PTPRN2: variants seen among roughly 807,000 people sequenced by gnomAD.
PTPRN2 encodes the protein receptor-type tyrosine-protein phosphatase N2.
In PTPRN2, 74 loss-of-function variants were observed where a neutral mutation model predicts 118.8. The observed-to-expected ratio is 0.62, with a 90% CI of 0.52 to 0.76. The LOEUF is 0.76. Ranked by LOEUF, PTPRN2 falls within the 30% of genes least tolerant of loss-of-function variation. The pLI, the probability that PTPRN2 is intolerant of heterozygous loss-of-function variation, is 0.00. For synonymous variants in PTPRN2, 641 were observed against 608.0 expected (o/e 1.05, Z -0.80); for missense variants, 1,481 against 1,394.4 (o/e 1.06, Z -0.99).
chr7:158,158,496 A>G (rs5022122), intron 6 of PTPRN2, among the ~76,000 whole-genome samples: 9,330 of 139,916 alleles, frequency 0.067, 1,305 homozygotes, highest in African/African-American at 0.083. Context: ...AGCGGAGCCC[A>G]TGTGATTGGC....
Position 158,166,628 on chromosome 7 carries a change from T to C in PTPRN2, c.910+303A>G, listed in dbSNP as rs577724996. Among the ~76,000 whole-genome samples the C allele has an allele frequency of 3.5e-3, 470 of 135,044 alleles. 21 individuals carry two copies. The East Asian group carries it at 0.099, about 28-fold the overall frequency. The allele number at this position is 135,044 out of a possible 152,430, so 88.6% of individuals were successfully genotyped here. The stretch of plus-strand genomic sequence containing the variant: ...GATCACCTCCCCTCCCACTGGCCGC[T>C]GTGTTCACTGTCCTCACACCCTCAG... On this transcript the variant is annotated intron_variant, in intron 6 of 22. Transcript: ENST00000389418.
chr7:158,199,973 T>C (rs1054141298), intron 4 of PTPRN2, among the ~76,000 whole-genome samples: 2 of 152,002 alleles, frequency 1.3e-5, no homozygotes, highest in African/African-American at 2.4e-5. Flanking sequence ...CTAGAGGTGA[T>C]GGCCACAAAT....
At position 157,833,532 on chromosome 7, in the gene PTPRN2, G is replaced by A. The variant is rs114515045; in HGVS notation, c.1788+65141C>T. ...CCGGCGCCCATCCATCCTGTATGAC[G>A]GTGAATTTGTCCAGGAGCGAGATGT... On this transcript the variant is annotated intron_variant, in intron 12 of 22. Transcript: ENST00000389418. 4.7e-3 allele frequency among the ~76,000 whole-genome samples: 701 copies of A among 149,980 alleles called. 5 individuals are homozygous for A. Among genetic ancestry groups the A allele is most frequent in the African/African-American group, 6.3e-3 (256 of 40,506 alleles).
At chr7:157,758,054 G>C (rs1801903642) in intron 12 of PTPRN2, among the ~76,000 whole-genome samples, 5 of 152,182 alleles carry the variant, frequency 3.3e-5, no homozygotes, top group Admixed American at 3.3e-4. Context: ...GCCGGTGCGG[G>C]GGACGCGGTC....
chr7:158,077,414 TGAAA>T (rs1355285754), intron 11 of PTPRN2, among the ~76,000 whole-genome samples: 3 of 152,142 alleles, frequency 2.0e-5, no homozygotes, highest in Admixed American at 1.3e-4. Flanking sequence ...TCCAACAGGC[TGAAA>T]GAAACAATGG....
Position 157,615,427 on chromosome 7 carries a change from G to A in PTPRN2, c.2344+5935C>T, listed in dbSNP as rs771878073. On this transcript the variant is annotated intron_variant, in intron 15 of 22. Transcript: ENST00000389418. The surrounding 1 kb of genome is among the most constrained non-coding windows in gnomAD (Gnocchi z 4.3). ...CCTGTGTGAATCTCAGGGCTGTTTC[G>A]AGGATGAAAAGGAGGTGTTTAGCCC... 2.0e-4 allele frequency: 94 copies of A among 471,142 alleles called. 2 individuals carry two copies. Among genetic ancestry groups the A allele is most frequent in the South Asian group, 1.4e-3 (88 of 64,568 alleles). The allele number at this position is 471,142 out of a possible 1,614,324, so 29.2% of individuals were successfully genotyped here.
At chr7:157,949,415 C>T (rs1054534998) in intron 11 of PTPRN2, among the ~76,000 whole-genome samples, 1 of 152,198 alleles carries the variant, frequency 6.6e-6, no homozygotes, top group African/African-American at 2.4e-5. Context: ...TATTTATTTG[C>T]CTCTCTAGAT....
chr7:158,517,669 A>G lies in PTPRN2; in HGVS notation c.113-27884T>C, dbSNP rs903676729. Among the ~76,000 whole-genome samples, 1 of 152,120 alleles carries G rather than the reference A, an allele frequency of 6.6e-6. No homozygotes were observed. Among genetic ancestry groups the G allele is most frequent in the South Asian group, 2.1e-4 (1 of 4,826 alleles). On this transcript the variant is annotated intron_variant, in intron 1 of 22. Coordinates refer to ENST00000389418, the MANE Select transcript of PTPRN2 (RefSeq NM_002847.5). The surrounding 1 kb of genome is among the most constrained non-coding windows in gnomAD (Gnocchi z 5.3). ...TTAGGGTGGAGTCCAAGCCAGCCTC[A>G]TGGACAGCGTCTCCAGACTCTTCCC...
chr7:158,362,671 G>A (rs933331621), intron 2 of PTPRN2, among the ~76,000 whole-genome samples: 9 of 146,432 alleles, frequency 6.1e-5, no homozygotes, highest in Admixed American at 1.4e-4. Context: ...CTGGATGTGC[G>A]TATAAAACCG....
rs747934660 is a variant in PTPRN2 at position 157,610,759 on chromosome 7, G to A, written c.2345-6684C>T. On this transcript the variant is annotated intron_variant, in intron 15 of 22. Transcript: ENST00000389418. This position sits in a 1 kb window ranked among gnomAD's most constrained non-coding sequence, Gnocchi z 5.1. The stretch of plus-strand genomic sequence containing the variant: ...GGCACTTGAAGACCAGCAACAGCGT[G>A]ATGACAGAACGCATTCTGAAGGGGC... Among the ~76,000 whole-genome samples the A allele has an allele frequency of 1.3e-5, 2 of 152,222 alleles. No homozygotes were observed. Among genetic ancestry groups the A allele is most frequent in the Non-Finnish European group, 2.9e-5 (2 of 68,028 alleles).
chr7:157,912,312 C>G (rs1266159828), intron 11 of PTPRN2, among the ~76,000 whole-genome samples: 2 of 152,200 alleles, frequency 1.3e-5, no homozygotes, highest in African/African-American at 4.8e-5. Flanking sequence ...ATTCATCATT[C>G]ATGCTTCCTC....
At chr7:158,513,572 CTTCAG>C (rs979903204) in intron 1 of PTPRN2, among the ~76,000 whole-genome samples, 1 of 152,144 alleles carries the variant, frequency 6.6e-6, no homozygotes, top group African/African-American at 2.4e-5. Flanking sequence ...TCTGTTCTAC[CTTCAG>C]TTATTTTAGT....
intron 13 of PTPRN2, among the ~76,000 whole-genome samples, chr7:157,657,901 GAC>G (rs144584402): frequency 0.47 from 48,510 of 104,066 alleles, 10,331 homozygotes; most frequent in Middle Eastern, 0.62. Flanking sequence ...ACACATCACA[GAC>G]ACACACACAC....
rs1331054550 is a variant in PTPRN2, at chr7:157,560,993, T to C, written c.2902+7909A>G. 6.6e-6 allele frequency among the ~76,000 whole-genome samples: 1 copy of C among 152,224 alleles called. No individual in the cohort carries two copies. Among genetic ancestry groups the C allele is most frequent in the Non-Finnish European group, 1.5e-5 (1 of 68,030 alleles). On this transcript the variant is annotated intron_variant, in intron 21 of 22. Transcript: ENST00000389418. The surrounding 1 kb of genome is among the most constrained non-coding windows in gnomAD (Gnocchi z 6.7). The stretch of plus-strand genomic sequence containing the variant: ...GTGCCTGCGCCCAAATGTGTGGCTC[T>C]GTCTGGCTCAACCCTCTCCTGGGCC...
At chr7:158,139,434 C>T (rs149215657) in intron 6 of PTPRN2, among the ~76,000 whole-genome samples, 12 of 152,164 alleles carry the variant, frequency 7.9e-5, no homozygotes, top group Non-Finnish European at 1.0e-4. Flanking sequence ...GAATGGGAGA[C>T]GTTCTGCAGA....
At position 157,800,543 on chromosome 7, in the gene PTPRN2, C is replaced by T. The variant is rs1003686210; in HGVS notation, c.1788+98130G>A. On this transcript the variant is annotated intron_variant, in intron 12 of 22. Transcript: ENST00000389418. ...TCCTCCTCCTGGGAACACCCTCGTA[C>T]GGACGTTCTGTGGAAATAGATGTTG... 3.3e-5 allele frequency among the ~76,000 whole-genome samples: 5 copies of T among 152,222 alleles called. No homozygotes were observed. The South Asian group carries it at 6.2e-4, about 19-fold the overall frequency.
At chr7:157,754,374 A>G (rs546261022) in intron 12 of PTPRN2, among the ~76,000 whole-genome samples, 1 of 152,364 alleles carries the variant, frequency 6.6e-6, no homozygotes, top group Non-Finnish European at 1.5e-5. Flanking sequence ...GCAGGCGGAC[A>G]TGCCCCGACA....
intron 12 of PTPRN2, among the ~76,000 whole-genome samples, chr7:157,844,730 C>T (rs865994619): frequency 2.1e-4 from 32 of 152,194 alleles, no homozygotes; most frequent in African/African-American, 7.7e-4. Context: ...TTCCCGGCAA[C>T]GTACCCGGCA....
intron 13 of PTPRN2, among the ~76,000 whole-genome samples, chr7:157,673,351 C>T (rs1446828755): frequency 6.6e-6 from 1 of 152,212 alleles, no homozygotes; most frequent in Non-Finnish European, 1.5e-5. Flanking sequence ...ATCAGTAATT[C>T]TCCCAAAGCA....
Sources: gnomAD v4.1 joint callset for allele counts (sites outside exome capture counted in the v4.1 genomes callset) on GRCh38, gnomAD v4.1.1 for gene constraint, Gnocchi (gnomAD v3.1) non-coding constraint, MANE v1.5 for transcripts, NCBI Gene and HGNC (gene_info 2026-07-23, HGNC 2026-07-21) for gene names.